SPAG17: variants seen among roughly 807,000 people sequenced by gnomAD.
SPAG17 encodes the protein sperm associated antigen 17.
SPAG17 carries 169 observed loss-of-function variants against 273.6 expected under a neutral mutation model. The ratio of observed to expected loss-of-function variants is 0.62; its 90% CI spans 0.55 to 0.70. The LOEUF is 0.70. SPAG17 is among the 30% of genes least tolerant of loss of function. The pLI is 0.00. For synonymous variants in SPAG17, 825 were observed against 873.2 expected (o/e 0.94, Z 0.97); for missense variants, 2,557 against 2,627.8 (o/e 0.97, Z 0.59).
At chr1:118,176,384 C>T (rs2102403199) in intron 1 of SPAG17, among the ~76,000 whole-genome samples, 1 of 152,208 alleles carries the variant, frequency 6.6e-6, no homozygotes, top group East Asian at 1.9e-4. Context: ...TTCATGCAAC[C>T]TGAAACCAAA....
Position 118,101,784 on chromosome 1 carries a change from T to C in SPAG17, c.590A>G (p.Gln197Arg), listed in dbSNP as rs1163316997. 3 of 1,614,050 alleles carry C rather than the reference T, an allele frequency of 1.9e-6. No individual in the cohort carries two copies. Among genetic ancestry groups the C allele is most frequent in the Non-Finnish European group, 2.5e-6 (3 of 1,179,956 alleles). ...EANAPVKKTT[Q>R]LKRRGEDDHT... The stretch of plus-strand genomic sequence containing the variant: ...GTCGTCTTCTCCTCTCCGCTTTAAC[T>C]GGGTGGTCTTTTTCACTGGTGCATT... The change falls in exon 5 of 49, where the codon CAG becomes CGG. Residue 197 changes from glutamine to arginine, a missense_variant. Gln to Arg is a conservative substitution (Grantham distance 43, BLOSUM62 1). Transcript: ENST00000336338.
intron 10 of SPAG17, among the ~76,000 whole-genome samples, chr1:118,087,995 T>C (rs533657307): frequency 2.2e-3 from 335 of 152,346 alleles, no homozygotes; most frequent in African/African-American, 7.6e-3. Context: ...TCACTTCCTG[T>C]TGAGAACCAC....
chr1:118,109,556 AAATAAT>A (rs10589035), intron 4 of SPAG17, among the ~76,000 whole-genome samples: 96 of 141,146 alleles, frequency 6.8e-4, no homozygotes, highest in Middle Eastern at 3.8e-3. Context: ...CTCTGTCTCA[AAATAAT>A]AATAATAATA....
chr1:118,123,592 T>C (rs1371105006), intron 3 of SPAG17, among the ~76,000 whole-genome samples: 3 of 152,188 alleles, frequency 2.0e-5, no homozygotes, highest in African/African-American at 7.2e-5. Flanking sequence ...ATAATGATGA[T>C]AAATATCTGT....
At position 118,093,170 on chromosome 1, in the gene SPAG17, T is replaced by C. The variant is rs192492810; in HGVS notation, c.1159A>G (p.Met387Val). 5.0e-6 allele frequency: 8 copies of C among 1,612,950 alleles called. No individual in the cohort carries two copies. The Admixed American group carries it at 1.3e-4, about 27-fold the overall frequency. Residue 387 changes from methionine (M) to valine (V), a missense_variant, in exon 8 of 49, where the codon ATG (methionine) becomes GTG (valine). Met to Val is a conservative substitution (Grantham distance 21). Transcript: ENST00000336338. The part of the protein sequence containing the change: ...VVNEKPVLEA[M>V]PTSEAPQPAV... ...CCCATGCCTACCTCTGAAGTTGGCA[T>C]GGCTTCTAATACAGGTTTCTCATTA...
intron 3 of SPAG17, among the ~76,000 whole-genome samples, chr1:118,133,916 T>G (rs1214152393): frequency 6.6e-6 from 1 of 152,188 alleles, no homozygotes; most frequent in Non-Finnish European, 1.5e-5. Context: ...TCATTTCACT[T>G]TAAAGAATTC....
At chr1:118,150,711 G>T in intron 2 of SPAG17, 82 bp from the exon 3 acceptor site, 1 of 771,094 alleles carries the variant, frequency 1.3e-6, no homozygotes, top group Non-Finnish European at 2.1e-6. Context: ...CAAATATCTA[G>T]GTGATCTGAA....
At position 118,041,980 on chromosome 1, in the gene SPAG17, T is replaced by C. The variant is rs1034731568; in HGVS notation, c.2877A>G (p.Ala959=). Residue 959 remains alanine (A), a synonymous_variant, in exon 21 of 49, where the codon GCA becomes GCG. Coordinates refer to ENST00000336338, the MANE Select transcript of SPAG17 (RefSeq NM_206996.4). The part of the protein sequence containing the change: ...EEERLREEKK[A]EKKGKEAGKK... ...TACCAGCTTCTTTACCCTTCTTCTC[T>C]GCTTTCTTTTCTTCCCTTAAGCGCT... 9 of 1,613,948 alleles carry C rather than the reference T, an allele frequency of 5.6e-6. No homozygotes were observed. In the African/African-American group the frequency reaches 9.3e-5, roughly 17 times the overall value.
chr1:118,121,272 G>C (rs761432530), intron 3 of SPAG17, among the ~76,000 whole-genome samples: 1 of 152,158 alleles, frequency 6.6e-6, no homozygotes, highest in Non-Finnish European at 1.5e-5. Context: ...TGCGGGAGAG[G>C]AGTAAAGGCA....
chr1:118,155,148 C>G (rs1304022538), intron 1 of SPAG17, among the ~76,000 whole-genome samples: 1 of 152,090 alleles, frequency 6.6e-6, no homozygotes, highest in Admixed American at 6.5e-5. Context: ...TGTATGGACA[C>G]AATCCATTTC....
intron 1 of SPAG17, among the ~76,000 whole-genome samples, chr1:118,173,253 A>G (rs1420255941): frequency 6.6e-6 from 1 of 152,084 alleles, no homozygotes; most frequent in Non-Finnish European, 1.5e-5. Flanking sequence ...ATTTTGTGGC[A>G]CTTTTACTCT....
At position 117,966,778 on chromosome 1, in the gene SPAG17, G is replaced by A. The variant is rs758728254; in HGVS notation, c.6388-25C>T. The A allele has an allele frequency of 1.3e-6, 2 of 1,581,014 alleles. 1 individual carries two copies. The highest frequency in any genetic ancestry group is 2.4e-5 in the South Asian group (2 of 84,884). On this transcript the variant is annotated intron_variant, in intron 46 of 48. Coordinates refer to ENST00000336338, the MANE Select transcript of SPAG17 (RefSeq NM_206996.4). ...CCTATAAGACACAAGGTAGCTTTAG[G>A]ACCAGACAACTCTGAGTTCAAACCT...
intron 46 of SPAG17, among the ~76,000 whole-genome samples, chr1:117,969,717 G>A (rs540696395): frequency 3.9e-5 from 6 of 152,062 alleles, no homozygotes; most frequent in African/African-American, 4.8e-5. Flanking sequence ...TTTTCACTTC[G>A]CATAAGGATT....
chr1:118,028,694 T>A (rs1465930004), intron 25 of SPAG17, among the ~76,000 whole-genome samples: 1 of 152,182 alleles, frequency 6.6e-6, no homozygotes, highest in East Asian at 1.9e-4. Context: ...GGGCTTGAAG[T>A]GGGCCTTGAA....
intron 15 of SPAG17, among the ~76,000 whole-genome samples, chr1:118,080,376 C>T (rs1364734171): frequency 6.6e-6 from 1 of 152,096 alleles, no homozygotes; most frequent in Non-Finnish European, 1.5e-5. Context: ...AAAGAGCAGG[C>T]TGTGCAGAGT....
chr1:117,965,574 T>G (rs1276856974), intron 47 of SPAG17: 2 of 152,258 alleles, frequency 1.3e-5, no homozygotes, highest in Non-Finnish European at 2.9e-5. Context: ...ATGTCTTTCA[T>G]TCATGTCCCT....
intron 13 of SPAG17, among the ~76,000 whole-genome samples, chr1:118,085,538 G>GCACACACA (rs372317004): frequency 3.3e-5 from 5 of 149,604 alleles, no homozygotes; most frequent in African/African-American, 1.2e-4. Context: ...GTGCGCGCGC[G>GCACACACA]CACACACACA....
chr1:118,036,120 T>C (rs893386593), intron 24 of SPAG17, among the ~76,000 whole-genome samples: 1 of 152,062 alleles, frequency 6.6e-6, no homozygotes, highest in African/African-American at 2.4e-5. Flanking sequence ...CTCAGGAGTT[T>C]GAGGCTGCTG....
At chr1:118,043,796 G>A (rs927149887) in intron 20 of SPAG17, among the ~76,000 whole-genome samples, 21 of 152,134 alleles carry the variant, frequency 1.4e-4, no homozygotes, top group African/African-American at 3.9e-4. Flanking sequence ...GGAAATATTC[G>A]TCCAGTATTA....
Sources: gnomAD v4.1 joint callset for allele counts (sites outside exome capture counted in the v4.1 genomes callset) on GRCh38, gnomAD v4.1.1 for gene constraint, MANE v1.5 for transcripts, NCBI Gene and HGNC (gene_info 2026-07-23, HGNC 2026-07-21) for gene names.